The following SEC23B variants were observed in gnomAD, a reference collection of about 807,000 sequenced individuals.
SEC23B encodes the protein protein transport protein Sec23B.
A neutral mutation model predicts 104.3 loss-of-function variants in SEC23B; 77 were observed. The ratio of observed to expected loss-of-function variants is 0.74; its 90% CI spans 0.61 to 0.89. SEC23B has a LOEUF of 0.89. SEC23B is among the 40% of genes least tolerant of loss of function. The pLI is 0.00. For synonymous variants in SEC23B, 338 were observed against 332.5 expected, an observed-to-expected ratio of 1.02 and a Z score of -0.18; for missense variants, 885 against 949.4, an observed-to-expected ratio of 0.93 and a Z score of 0.89.
intron 9 of SEC23B, among the ~76,000 whole-genome samples, chr20:18,528,550 G>A (rs190543430): frequency 3.3e-5 from 5 of 152,206 alleles, no homozygotes; most frequent in African/African-American, 4.8e-5. Context: ...ATGGGCCTGA[G>A]AGTCTGCATT....
Position 18,524,644 on chromosome 20 carries a change from A to G in SEC23B, c.578A>G (p.Lys193Arg). ...AAAAGTTATGTCTTCCGAGGGACCAAGGATTTAACTGCAAAGCAAATACAG... is the reference window on the plus strand; with the variant it reads ...AAAAGTTATGTCTTCCGAGGGACCAGGGATTTAACTGCAAAGCAAATACAG... ...ISKSYVFRGT[K>R]DLTAKQIQDM... Residue 193 changes from lysine to arginine, a missense_variant, in exon 5 of 20, where the codon AAG (lysine) becomes AGG (arginine). Coordinates refer to ENST00000650089, the MANE Select transcript of SEC23B (RefSeq NM_006363.6). 1 of 1,614,022 alleles carries G rather than the reference A, an allele frequency of 6.2e-7. No homozygotes were observed. The highest frequency in any genetic ancestry group is 1.1e-5 in the South Asian group (1 of 91,084).
At position 18,542,875 on chromosome 20, in the gene SEC23B, G is replaced by C. The variant is rs377736437; in HGVS notation, c.1512-144G>C. On this transcript the variant is annotated intron_variant, in intron 13 of 19. Coordinates refer to ENST00000650089, the MANE Select transcript of SEC23B (RefSeq NM_006363.6). ...GCTGGTCTTGAACTTCTAGGCTCAA[G>C]CAGTCCTGCCACCTTGCCCTCCCAA... The C allele has an allele frequency of 5.0e-5, 48 of 963,360 alleles. No individual in the cohort carries two copies. In the East Asian group the frequency reaches 1.1e-3, roughly 23 times the overall value. The allele number at this position is 963,360 out of a possible 1,614,324, so 59.7% of individuals were successfully genotyped here.
chr20:18,560,538 C>CGT, intron 19 of SEC23B, 113 bp from the exon 20 acceptor site: 1 of 805,818 alleles, frequency 1.2e-6, no homozygotes, highest in Non-Finnish European at 2.2e-6. Flanking sequence ...TGGGAGTACT[C>CGT]GTAGCAGAGG....
chr20:18,511,627 T>C (rs1255292166), intron 2 of SEC23B, among the ~76,000 whole-genome samples: 1 of 152,192 alleles, frequency 6.6e-6, no homozygotes, highest in Non-Finnish European at 1.5e-5. Context: ...CATTTTTTAC[T>C]TCATTCTCAT....
At chr20:18,516,062 T>C (rs1342297587) in intron 4 of SEC23B, 1 of 304,292 alleles carries the variant, frequency 3.3e-6, no homozygotes, top group Non-Finnish European at 6.3e-6. Flanking sequence ...ATGTTCCATA[T>C]CTAATTCACT....
intron 8 of SEC23B, among the ~76,000 whole-genome samples, chr20:18,527,020 A>T (rs1016144259): frequency 2.6e-5 from 4 of 152,368 alleles, no homozygotes; most frequent in Non-Finnish European, 4.4e-5. Context: ...GTTCGAGACG[A>T]GTCTTGCCAA....
At chr20:18,527,405 GT>G in intron 8 of SEC23B, 90 bp from the exon 9 acceptor site, 1 of 816,176 alleles carries the variant, frequency 1.2e-6, no homozygotes, top group African/African-American at 1.7e-5. Context: ...TGATTTACAT[GT>G]TTTTATATTT....
chr20:18,549,499 T>C (rs938778702), intron 16 of SEC23B, among the ~76,000 whole-genome samples: 1 of 152,144 alleles, frequency 6.6e-6, no homozygotes, highest in African/African-American at 2.4e-5. Context: ...TTTATAGATG[T>C]GGAACCCACC....
intron 4 of SEC23B, among the ~76,000 whole-genome samples, chr20:18,519,068 A>G (rs2060059691): frequency 6.6e-6 from 1 of 152,120 alleles, no homozygotes; most frequent in East Asian, 1.9e-4. Flanking sequence ...TCAATGATAG[A>G]TGTGGAAGAT....
chr20:18,525,055 G>A (rs995354419), intron 6 of SEC23B, 35 bp downstream of exon 6: 2 of 1,559,666 alleles, frequency 1.3e-6, no homozygotes, highest in African/African-American at 2.7e-5. Flanking sequence ...CACGTATTGT[G>A]ATGGACATGC....
At chr20:18,519,807 A>G (rs1349918090) in intron 4 of SEC23B, among the ~76,000 whole-genome samples, 4 of 152,064 alleles carry the variant, frequency 2.6e-5, no homozygotes, top group African/African-American at 9.7e-5. Context: ...TAGGAAGGAA[A>G]GGAGTTGTTG....
At chr20:18,558,432 T>A (rs938729355) in intron 19 of SEC23B, among the ~76,000 whole-genome samples, 2 of 152,204 alleles carry the variant, frequency 1.3e-5, no homozygotes, top group Admixed American at 1.3e-4. Context: ...TACTCAGCTT[T>A]TTGCTTCTGT....
At chr20:18,535,785 GT>G (rs752309423) in intron 12 of SEC23B, 43 bp downstream of exon 12, 2 of 1,460,882 alleles carry the variant, frequency 1.4e-6, no homozygotes, top group Admixed American at 3.4e-5. Flanking sequence ...TTAGTGTCCT[GT>G]TTTGTGATTT....
intron 12 of SEC23B, among the ~76,000 whole-genome samples, chr20:18,541,299 C>G (rs1269201985): frequency 6.6e-6 from 1 of 152,244 alleles, no homozygotes; most frequent in Admixed American, 6.5e-5. Flanking sequence ...TTCTCCACAT[C>G]AGCAATAAGG....
At chr20:18,523,968 A>G (rs898150700) in intron 4 of SEC23B, among the ~76,000 whole-genome samples, 12 of 152,230 alleles carry the variant, frequency 7.9e-5, no homozygotes, top group East Asian at 3.9e-4. Context: ...CTCCCATCTT[A>G]GCCTCCCAAA....
At chr20:18,543,322 C>T (rs1239837987) in intron 14 of SEC23B, 150 bp downstream of exon 14, 22 of 995,092 alleles carry the variant, frequency 2.2e-5, no homozygotes, top group Middle Eastern at 3.1e-4. Flanking sequence ...CTGTTAAAGA[C>T]GTGTTAAATG....
intron 9 of SEC23B, among the ~76,000 whole-genome samples, chr20:18,528,012 C>T (rs572970220): frequency 1.3e-5 from 2 of 152,178 alleles, no homozygotes; most frequent in Non-Finnish European, 2.9e-5. Context: ...GTGACTAACT[C>T]CAAGTGCACT....
At chr20:18,560,481 T>C (rs2060482153) in intron 19 of SEC23B, among the ~76,000 whole-genome samples, 170 bp from the exon 20 acceptor site, 1 of 152,166 alleles carries the variant, frequency 6.6e-6, no homozygotes, top group South Asian at 2.1e-4. Context: ...GTGAGGAAAT[T>C]GTGCTTTAGT....
chr20:18,508,604 C>T (rs1441793434), intron 1 of SEC23B, among the ~76,000 whole-genome samples: 2 of 152,010 alleles, frequency 1.3e-5, no homozygotes, highest in Admixed American at 6.6e-5. Flanking sequence ...ATTATGTGTC[C>T]ACTGCTAAGA....
Sources: allele counts gnomAD v4.1 joint callset (sites outside exome capture counted in the v4.1 genomes callset), GRCh38; gene constraint gnomAD v4.1.1; transcripts MANE v1.5; gene names NCBI Gene and HGNC (gene_info 2026-07-23, HGNC 2026-07-21).